AGBL1: variants seen among roughly 807,000 people sequenced by gnomAD.
The protein encoded by AGBL1 is AGBL carboxypeptidase 1, also known as cytosolic carboxypeptidase 4.
A neutral mutation model predicts 118.9 loss-of-function variants in AGBL1; 130 were observed. The ratio of observed to expected loss-of-function variants is 1.09; its 90% CI spans 0.95 to 1.26. The LOEUF (loss-of-function observed/expected upper bound fraction) is 1.26. Ranked by LOEUF, AGBL1 falls within the 50% of genes most tolerant of loss-of-function variation. The pLI, the probability that AGBL1 is intolerant of heterozygous loss-of-function variation, is 0.00. For synonymous variants in AGBL1, 555 were observed against 478.9 expected, an observed-to-expected ratio of 1.16 and a Z score of -2.08; for missense variants, 1,584 against 1,298.1, an observed-to-expected ratio of 1.22 and a Z score of -3.38.
chr15:86,081,637 A>G (rs895827553), intron 1 of AGBL1, among the ~76,000 whole-genome samples: 2 of 152,226 alleles, frequency 1.3e-5, no homozygotes, highest in African/African-American at 2.4e-5. Context: ...GTATCTGGCT[A>G]GATTTATTTG....
intron 19 of AGBL1, among the ~76,000 whole-genome samples, chr15:86,525,720 G>A (rs2142206822): frequency 6.6e-6 from 1 of 152,158 alleles, no homozygotes; most frequent in South Asian, 2.1e-4. Flanking sequence ...AACTCAAGAT[G>A]AATTAAAGAC....
intron 21 of AGBL1, among the ~76,000 whole-genome samples, chr15:86,629,409 C>A (rs1596320373): frequency 6.6e-6 from 1 of 152,236 alleles, no homozygotes; most frequent in East Asian, 1.9e-4. Context: ...TTATGATTAT[C>A]TGCATATCGG....
intron 22 of AGBL1, among the ~76,000 whole-genome samples, chr15:86,705,579 C>G (rs534377675): frequency 1.3e-5 from 2 of 152,254 alleles, no homozygotes; most frequent in East Asian, 1.9e-4. Flanking sequence ...GCCAGCCACT[C>G]GCTTCATTCC....
At chr15:87,022,894 C>G (rs1218046186) in intron 24 of AGBL1, among the ~76,000 whole-genome samples, 1 of 151,996 alleles carries the variant, frequency 6.6e-6, no homozygotes, top group East Asian at 1.9e-4. Flanking sequence ...CAGTCTTTTT[C>G]AGGCAAACAA....
intron 21 of AGBL1, among the ~76,000 whole-genome samples, chr15:86,666,642 T>G (rs1036305023): frequency 5.9e-5 from 9 of 152,194 alleles, no homozygotes; most frequent in Non-Finnish European, 1.2e-4. Flanking sequence ...ATTTTGACAA[T>G]TGGTTTTGCA....
At chr15:86,892,505 C>A (rs2080065951) in intron 22 of AGBL1, among the ~76,000 whole-genome samples, 1 of 152,118 alleles carries the variant, frequency 6.6e-6, no homozygotes, top group Non-Finnish European at 1.5e-5. Flanking sequence ...CACACATTTT[C>A]TATGCCATGT....
chr15:86,400,603 C>T (rs1290277449), intron 18 of AGBL1, among the ~76,000 whole-genome samples: 1 of 149,828 alleles, frequency 6.7e-6, no homozygotes, highest in African/African-American at 2.5e-5. Context: ...TTTTATCCCT[C>T]ACCCCCCAAC....
At chr15:86,632,634 T>TG (rs1225398122) in intron 21 of AGBL1, among the ~76,000 whole-genome samples, 1 of 147,550 alleles carries the variant, frequency 6.8e-6, no homozygotes, top group Non-Finnish European at 1.5e-5. Flanking sequence ...CATCATGTTT[T>TG]TTTTTTTTTT....
intron 24 of AGBL1, among the ~76,000 whole-genome samples, chr15:87,003,555 C>T (rs965036757): frequency 6.6e-6 from 1 of 152,124 alleles, no homozygotes; most frequent in African/African-American, 2.4e-5. Context: ...AGGAATGGTA[C>T]CCGCTCCTCC....
At chr15:86,881,255 T>C (rs561667581) in intron 22 of AGBL1, among the ~76,000 whole-genome samples, 48 of 152,192 alleles carry the variant, frequency 3.2e-4, no homozygotes, top group Non-Finnish European at 6.0e-4. Context: ...TATAGAAATC[T>C]GAAGAAACTT....
intron 1 of AGBL1, among the ~76,000 whole-genome samples, chr15:86,094,671 C>T (rs1005907938): frequency 6.6e-6 from 1 of 152,202 alleles, no homozygotes; most frequent in African/African-American, 2.4e-5. Flanking sequence ...TGAGGCTGTA[C>T]ACCTTCTCCC....
intron 5 of AGBL1, among the ~76,000 whole-genome samples, chr15:86,198,993 G>C (rs1410797810): frequency 6.6e-6 from 1 of 152,162 alleles, no homozygotes; most frequent in Non-Finnish European, 1.5e-5. Context: ...CTTGAAGATT[G>C]CTGCTAAAAA....
intron 6 of AGBL1, among the ~76,000 whole-genome samples, chr15:86,226,235 G>A (rs1010047187): frequency 4.6e-5 from 7 of 152,086 alleles, no homozygotes; most frequent in African/African-American, 1.4e-4. Context: ...TTGGCATCTC[G>A]GTTCTCATTA....
intron 22 of AGBL1, among the ~76,000 whole-genome samples, chr15:86,803,890 A>T (rs933748873): frequency 6.6e-6 from 1 of 152,136 alleles, no homozygotes; most frequent in African/African-American, 2.4e-5. Context: ...AGATCCTACA[A>T]TTCACAGGTC....
chr15:86,175,546 G>C (rs1368244937), intron 5 of AGBL1, among the ~76,000 whole-genome samples: 1 of 151,460 alleles, frequency 6.6e-6, no homozygotes, highest in Non-Finnish European at 1.5e-5. Context: ...CTAATTTTGG[G>C]TTTGGTTTGT....
intron 21 of AGBL1, among the ~76,000 whole-genome samples, 166 bp downstream of exon 21, chr15:86,554,703 G>T (rs775021182): frequency 5.2e-4 from 79 of 152,138 alleles, no homozygotes; most frequent in Admixed American, 3.8e-3. Context: ...TCACCTGCAG[G>T]ATCATCTATC....
intron 7 of AGBL1, among the ~76,000 whole-genome samples, chr15:86,255,564 C>T (rs190293467): frequency 6.6e-6 from 1 of 152,282 alleles, no homozygotes; most frequent in Non-Finnish European, 1.5e-5. Flanking sequence ...GGTATTTTAT[C>T]CTGAGGTCAG....
chr15:87,020,999 T>A (rs1022242659), intron 24 of AGBL1, among the ~76,000 whole-genome samples: 7 of 151,636 alleles, frequency 4.6e-5, no homozygotes, highest in Admixed American at 2.0e-4. Context: ...GAAAAAAAAA[T>A]TTAAAAATTC....
intron 23 of AGBL1, among the ~76,000 whole-genome samples, chr15:86,969,799 C>A (rs1346754774): frequency 6.6e-6 from 1 of 151,832 alleles, no homozygotes; most frequent in African/African-American, 2.4e-5. Context: ...CTCATTGAAC[C>A]TACAGTGGGA....
Sources: gnomAD v4.1 joint callset for allele counts (sites outside exome capture counted in the v4.1 genomes callset) on GRCh38, gnomAD v4.1.1 for gene constraint, MANE v1.5 for transcripts, NCBI Gene and HGNC (gene_info 2026-07-23, HGNC 2026-07-21) for gene names.